MMP26: variants seen among roughly 807,000 people sequenced by gnomAD.
MMP26 encodes the protein matrix metallopeptidase 26.
MMP26 carries 33 observed loss-of-function variants against 31.0 expected under a neutral mutation model. The ratio of observed to expected loss-of-function variants is 1.06; its 90% CI spans 0.81 to 1.42. The LOEUF (loss-of-function observed/expected upper bound fraction) is 1.42, where lower values mean the gene tolerates loss of function less well. MMP26 is among the 40% of genes most tolerant of loss of function. MMP26 has a pLI of 0.00. For synonymous variants in MMP26, 122 were observed against 114.9 expected (o/e 1.06, Z -0.40); for missense variants, 347 against 316.1 (o/e 1.10, Z -0.74).
At chr11:4,954,508 T>C (rs1252290949) in intron 2 of MMP26, among the ~76,000 whole-genome samples, 1 of 124,756 alleles carries the variant, frequency 8.0e-6, no homozygotes. Flanking sequence ...ATCGTTTTTC[T>C]GTCTTGGTTG....
At chr11:4,908,334 T>C in intron 2 of MMP26, 1 of 1,580,138 alleles carries the variant, frequency 6.3e-7, no homozygotes, top group Non-Finnish European at 8.7e-7. Context: ...GGTAATAAAT[T>C]ATCAACCAGT....
intron 2 of MMP26, among the ~76,000 whole-genome samples, chr11:4,823,047 A>G (rs1288972502): frequency 1.4e-4 from 22 of 152,080 alleles, no homozygotes; most frequent in Admixed American, 1.4e-3. Flanking sequence ...ATCTTGGTGT[A>G]AGAGAATCTG....
At chr11:4,943,309 G>A (rs1846243842) in intron 2 of MMP26, 1 of 310,100 alleles carries the variant, frequency 3.2e-6, no homozygotes, top group Admixed American at 4.0e-5. Context: ...TGATTAATAA[G>A]TCTTTTAACA....
At chr11:4,896,323 A>G (rs1374247620) in intron 2 of MMP26, among the ~76,000 whole-genome samples, 1 of 152,060 alleles carries the variant, frequency 6.6e-6, no homozygotes, top group Non-Finnish European at 1.5e-5. Flanking sequence ...TTATCTACAC[A>G]CCGCTGATTC....
Position 4,849,321 on chromosome 11 carries a change from C to G in MMP26, c.-145+81980C>G, listed in dbSNP as rs117945252. The G allele has an allele frequency of 7.8e-3, 8,618 of 1,103,868 alleles. 44 individuals are homozygous for G. Among genetic ancestry groups the G allele is most frequent in the Non-Finnish European group, 0.01 (7,730 of 769,076 alleles). The allele number at this position is 1,103,868 out of a possible 1,614,324, so 68.4% of individuals were successfully genotyped here. On this transcript the variant is annotated intron_variant, in intron 2 of 7. Coordinates refer to ENST00000380390, the MANE Select transcript of MMP26 (RefSeq NM_021801.5). The stretch of plus-strand genomic sequence containing the variant: ...CAAAATAGCCTGCATCTTCCCTTCC[C>G]TGACTCATGCACTCACATACACGTA...
At chr11:4,765,792 C>T (rs1564904020) in intron 1 of MMP26, among the ~76,000 whole-genome samples, 1 of 152,214 alleles carries the variant, frequency 6.6e-6, no homozygotes, top group East Asian at 1.9e-4. Context: ...GATGTGTCCT[C>T]TGTGCACTTT....
rs141011976 is a variant in MMP26 at position 4,853,820 on chromosome 11, C to T, written c.-145+86479C>T. Among the ~76,000 whole-genome samples the T allele has an allele frequency of 1.4e-3, 216 of 151,870 alleles. 2 individuals are homozygous for T. The highest frequency in any genetic ancestry group is 4.9e-3 in the African/African-American group (204 of 41,430). On this transcript the variant is annotated intron_variant, in intron 2 of 7. Coordinates refer to ENST00000380390, the MANE Select transcript of MMP26 (RefSeq NM_021801.5). ...GTAGAGTGTAATCTTGATTCTAAAG[C>T]CAAATCATAACAAAAAACATAGCAC...
intron 2 of MMP26, among the ~76,000 whole-genome samples, chr11:4,842,496 G>A (rs999965508): frequency 8.5e-5 from 13 of 152,242 alleles, no homozygotes; most frequent in Admixed American, 6.5e-4. Context: ...ACATGGTGAC[G>A]GGAGAGAGAC....
At chr11:4,706,694 G>A (rs116677261) in intron 1 of MMP26, among the ~76,000 whole-genome samples, 2,707 of 151,470 alleles carry the variant, frequency 0.018, 87 homozygotes, top group African/African-American at 0.062. Flanking sequence ...TAAGTAAAAT[G>A]TTGTATATCA....
chr11:4,774,394 T>G (rs977080581), intron 2 of MMP26, among the ~76,000 whole-genome samples: 3 of 152,222 alleles, frequency 2.0e-5, no homozygotes, highest in African/African-American at 7.2e-5. Flanking sequence ...TGAGCTGTTT[T>G]TCATATGTTT....
At chr11:4,709,142 C>T (rs1032926611) in intron 1 of MMP26, among the ~76,000 whole-genome samples, 6 of 152,088 alleles carry the variant, frequency 3.9e-5, no homozygotes, top group Non-Finnish European at 7.4e-5. Flanking sequence ...AGGGTTTTTG[C>T]CGCAGAAACT....
chr11:4,806,467 CATT>C (rs1323709929), intron 2 of MMP26, among the ~76,000 whole-genome samples: 1 of 151,968 alleles, frequency 6.6e-6, no homozygotes, highest in Non-Finnish European at 1.5e-5. Flanking sequence ...ATCCCTTTAC[CATT>C]ATGTAATGGG....
At chr11:4,808,405 A>T (rs1455204869) in intron 2 of MMP26, among the ~76,000 whole-genome samples, 1 of 152,028 alleles carries the variant, frequency 6.6e-6, no homozygotes, top group Non-Finnish European at 1.5e-5. Context: ...TGGACCCAGG[A>T]TCCCTGCTAC....
At chr11:4,920,245 C>A (rs1851163255) in intron 2 of MMP26, among the ~76,000 whole-genome samples, 1 of 152,040 alleles carries the variant, frequency 6.6e-6, no homozygotes, top group South Asian at 2.1e-4. Flanking sequence ...ATTCAGAGAC[C>A]TTTGCCAGCC....
At chr11:4,951,919 A>G (rs1301268524) in intron 2 of MMP26, among the ~76,000 whole-genome samples, 1 of 125,174 alleles carries the variant, frequency 8.0e-6, no homozygotes, top group East Asian at 2.3e-4. Flanking sequence ...ACGTATAGAA[A>G]CAAAACAGAG....
At chr11:4,769,575 C>T (rs762780644) in intron 2 of MMP26, 1 of 1,613,210 alleles carries the variant, frequency 6.2e-7, no homozygotes, top group South Asian at 1.1e-5. Context: ...ACCAGCACTC[C>T]AGATTCCATA....
At chr11:4,918,638 T>G (rs1234804035) in intron 2 of MMP26, among the ~76,000 whole-genome samples, 2 of 152,180 alleles carry the variant, frequency 1.3e-5, no homozygotes, top group Admixed American at 6.5e-5. Flanking sequence ...TGGTAAGGAC[T>G]TCATTGTTCC....
chr11:4,746,376 A>G (rs1204682767), intron 1 of MMP26, among the ~76,000 whole-genome samples: 1 of 152,222 alleles, frequency 6.6e-6, no homozygotes, highest in Non-Finnish European at 1.5e-5. Flanking sequence ...GTAAATCTAT[A>G]TAGTAAATAT....
At chr11:4,887,316 A>G (rs1219689124) in intron 2 of MMP26, among the ~76,000 whole-genome samples, 1 of 152,088 alleles carries the variant, frequency 6.6e-6, no homozygotes, top group Non-Finnish European at 1.5e-5. Flanking sequence ...AAGAAATGTT[A>G]CTGGAAGTTT....
Sources: gnomAD v4.1 joint callset for allele counts (sites outside exome capture counted in the v4.1 genomes callset) on GRCh38, gnomAD v4.1.1 for gene constraint, MANE v1.5 for transcripts, NCBI Gene and HGNC (gene_info 2026-07-23, HGNC 2026-07-21) for gene names.